The following LPAR1 variants were observed in gnomAD, a reference collection of about 807,000 sequenced individuals.
LPAR1 encodes lysophosphatidic acid receptor 1.
In LPAR1, 5 loss-of-function variants were observed where a neutral mutation model predicts 23.8. The ratio of observed to expected loss-of-function variants is 0.21; its 90% confidence interval spans 0.11 to 0.44. The LOEUF is 0.44. Ranked by LOEUF, LPAR1 falls within the 20% of genes least tolerant of loss-of-function variation. The pLI, the probability that LPAR1 is intolerant of heterozygous loss-of-function variation, is 0.99. For synonymous variants in LPAR1, 160 were observed against 164.7 expected (o/e 0.97, Z 0.22); for missense variants, 311 against 482.8 (o/e 0.64, Z 3.33).
chr9:110,973,225 G>C (rs756889311), intron 3 of LPAR1, among the ~76,000 whole-genome samples: 1 of 152,182 alleles, frequency 6.6e-6, no homozygotes, highest in East Asian at 1.9e-4. Flanking sequence ...GTGAAGCTTC[G>C]GATAAAAGTA....
rs2078747857 is a variant in LPAR1 at position 110,874,774 on chromosome 9, T to C, written c.*647A>G. 1 of 152,664 alleles carries C rather than the reference T, an allele frequency of 6.6e-6. No individual in the cohort carries two copies. Among genetic ancestry groups the C allele is most frequent in the Non-Finnish European group, 1.5e-5 (1 of 68,038 alleles). The allele number at this position is 152,664 out of a possible 1,614,324, so 9.5% of individuals were successfully genotyped here. On this transcript the variant is annotated 3_prime_UTR_variant, in exon 6 of 6. Coordinates refer to ENST00000683809, the MANE Select transcript of LPAR1 (RefSeq NM_001351411.2). ...TTGTTTGCTTCATGACCTAAACAAA[T>C]ACTGGCTTTGAAGTCTAGGTTCTAT...
chr9:110,991,576 TG>T (rs2096893558), intron 2 of LPAR1, among the ~76,000 whole-genome samples: 1 of 66,392 alleles, frequency 1.5e-5, no homozygotes, highest in African/African-American at 5.7e-5. Context: ...CTTTCTGGTT[TG>T]TTTTGTTGTT....
intron 5 of LPAR1, among the ~76,000 whole-genome samples, chr9:110,892,769 GA>G (rs2084746131): frequency 1.3e-4 from 4 of 30,506 alleles, no homozygotes; most frequent in African/African-American, 3.0e-4. Flanking sequence ...GGGAGGAAGG[GA>G]AGGAAGGAAG....
At chr9:110,905,349 A>AT (rs568073138) in intron 5 of LPAR1, among the ~76,000 whole-genome samples, 16,744 of 145,034 alleles carry the variant, frequency 0.12, 2,828 homozygotes, top group African/African-American at 0.38. Flanking sequence ...TTTTTTTATT[A>AT]TTTTTTTTTT....
intron 2 of LPAR1, among the ~76,000 whole-genome samples, chr9:111,027,536 A>G (rs1485545074): frequency 7.5e-6 from 1 of 133,782 alleles, no homozygotes; most frequent in Non-Finnish European, 1.6e-5. Context: ...TTGGGGAAAC[A>G]GCAGAAAATA....
At chr9:110,929,313 G>C (rs565402192) in intron 5 of LPAR1, among the ~76,000 whole-genome samples, 1 of 151,976 alleles carries the variant, frequency 6.6e-6, no homozygotes, top group Non-Finnish European at 1.5e-5. Context: ...GCTCTAGTTA[G>C]GCCTCAAAGA....
At chr9:110,932,155 T>C (rs2094455691) in intron 5 of LPAR1, among the ~76,000 whole-genome samples, 1 of 152,170 alleles carries the variant, frequency 6.6e-6, no homozygotes, top group Non-Finnish European at 1.5e-5. Context: ...ATATTACTAT[T>C]GTAACTAGGC....
chr9:110,879,175 G>C (rs1167034212), intron 5 of LPAR1, among the ~76,000 whole-genome samples: 1 of 152,104 alleles, frequency 6.6e-6, no homozygotes, highest in Non-Finnish European at 1.5e-5. Flanking sequence ...CTAGCACTTT[G>C]GGAGGCCGAG....
At chr9:111,038,670 C>G, upstream of LPAR1, 1 of 454,390 alleles carries the variant, frequency 2.2e-6, no homozygotes. This position sits in a 1 kb window ranked among gnomAD's most constrained non-coding sequence, Gnocchi z 4.4. Context: ...GCGCCCCCAG[C>G]GCCCCTGACC....
At chr9:111,027,885 C>CAAAAAAA (rs10594862) in intron 2 of LPAR1, among the ~76,000 whole-genome samples, 1 of 56,666 alleles carries the variant, frequency 1.8e-5, no homozygotes, top group African/African-American at 6.9e-5. Context: ...CACAAGTCCT[C>CAAAAAAA]AAAAAAAAAA....
intron 5 of LPAR1, among the ~76,000 whole-genome samples, chr9:110,880,167 G>A (rs2080337438): frequency 6.6e-6 from 1 of 152,106 alleles, no homozygotes; most frequent in Admixed American, 6.5e-5. Context: ...ACAGATCCGT[G>A]GGTTGTTCTT....
chr9:110,940,680 T>G (rs925132288), intron 5 of LPAR1, among the ~76,000 whole-genome samples: 2 of 152,190 alleles, frequency 1.3e-5, no homozygotes, highest in African/African-American at 4.8e-5. Context: ...GCACAGAGCG[T>G]AGAACATAGT....
chr9:110,920,696 C>T (rs2093566146), intron 5 of LPAR1, among the ~76,000 whole-genome samples: 1 of 152,162 alleles, frequency 6.6e-6, no homozygotes, highest in Admixed American at 6.5e-5. Context: ...TAATTTCCTT[C>T]AGTAATTCAC....
intron 2 of LPAR1, among the ~76,000 whole-genome samples, chr9:110,987,033 G>A (rs2096796827): frequency 6.6e-6 from 1 of 152,072 alleles, no homozygotes. Flanking sequence ...GCTAATATTA[G>A]GGAAATGTGT....
intron 2 of LPAR1, among the ~76,000 whole-genome samples, chr9:111,015,864 ATGGCAATGATC>A (rs1385992894): frequency 1.3e-5 from 2 of 151,632 alleles, no homozygotes; most frequent in Non-Finnish European, 2.9e-5. Flanking sequence ...GAAATCTAGT[ATGGCAATGATC>A]TGTTTCAAAC....
intron 5 of LPAR1, among the ~76,000 whole-genome samples, chr9:110,890,712 T>A (rs1453470731): frequency 1.3e-5 from 2 of 152,246 alleles, no homozygotes; most frequent in African/African-American, 4.8e-5. Context: ...GTCAACTTTA[T>A]GAATATAATT....
chr9:110,979,631 A>G (rs1459920653), intron 2 of LPAR1, among the ~76,000 whole-genome samples: 1 of 152,182 alleles, frequency 6.6e-6, no homozygotes, highest in Non-Finnish European at 1.5e-5. Flanking sequence ...AGGGAAGCTC[A>G]TAAGCAAAAG....
intron 5 of LPAR1, among the ~76,000 whole-genome samples, chr9:110,883,500 A>C (rs2081435023): frequency 6.6e-6 from 1 of 152,204 alleles, no homozygotes; most frequent in African/African-American, 2.4e-5. Flanking sequence ...TATCAAAAGG[A>C]AGGAAAAGAA....
chr9:111,036,481 T>A (rs1045162504), intron 1 of LPAR1, among the ~76,000 whole-genome samples: 1 of 152,012 alleles, frequency 6.6e-6, no homozygotes, highest in Non-Finnish European at 1.5e-5. Flanking sequence ...CCTCTGGACC[T>A]CTCACTTCCC....
Sources: allele counts gnomAD v4.1 joint callset (sites outside exome capture counted in the v4.1 genomes callset), GRCh38; gene constraint gnomAD v4.1.1; non-coding constraint Gnocchi (gnomAD v3.1); transcripts MANE v1.5; gene names NCBI Gene and HGNC (gene_info 2026-07-23, HGNC 2026-07-21).